The following SIM1 variants were observed in gnomAD, a reference collection of about 807,000 sequenced individuals.
SIM1 encodes the protein SIM bHLH transcription factor 1, also known as single-minded homolog 1.
In SIM1, 18 loss-of-function variants were observed where a neutral mutation model predicts 78.2. That is an observed-to-expected ratio of 0.23 (90% confidence interval 0.16 to 0.34). SIM1 has a LOEUF of 0.34. Ranked by LOEUF, SIM1 falls within the 10% of genes least tolerant of loss-of-function variation. The probability of loss-of-function intolerance (pLI) is 1.00; values close to 1 mark genes in which losing one functional copy is unlikely to be tolerated. For synonymous variants in SIM1, 417 were observed against 385.2 expected, an observed-to-expected ratio of 1.08 and a Z score of -0.97; for missense variants, 939 against 975.1, an observed-to-expected ratio of 0.96 and a Z score of 0.49.
intron 9 of SIM1, among the ~76,000 whole-genome samples, chr6:100,424,067 C>T: frequency 7.9e-6 from 1 of 126,528 alleles, no homozygotes; most frequent in East Asian, 2.8e-4. Flanking sequence ...CCCCACCCCC[C>T]TCCCACCCCC....
Position 100,385,309 on chromosome 6 carries a change from A to G in SIM1, c.*5052T>C, listed in dbSNP as rs1770492055. 2 of 152,222 alleles carry G rather than the reference A, an allele frequency of 1.3e-5. No individual in the cohort carries two copies. Among genetic ancestry groups the G allele is most frequent in the East Asian group, 1.9e-4 (1 of 5,192 alleles). 9.4% of individuals were successfully genotyped at this position (152,222 alleles called of 1,614,324 possible). ...ACAAATATAATCCTTTTTATAGCAC[A>G]TTAGTCAAAAAACAAATGTAAAATA... is the stretch of plus-strand genomic sequence containing the variant. On this transcript the variant is annotated 3_prime_UTR_variant, in exon 12 of 12. Coordinates refer to ENST00000369208, the MANE Select transcript of SIM1 (RefSeq NM_005068.3).
chr6:100,447,351 T>C lies in SIM1; in HGVS notation c.915A>G (p.Val305=), dbSNP rs530459295. ...YRFLAKHGGW[V]WVQSYATIVH... ...CGATGGTCGCGTAGCTCTGCACCCATACCCAGCCGCCGTGTTTCGCCAGGA... is the reference window on the plus strand; with the variant it reads ...CGATGGTCGCGTAGCTCTGCACCCACACCCAGCCGCCGTGTTTCGCCAGGA... The change falls in exon 9 of 12, where the codon GTA becomes GTG. Residue 305 remains valine (V), a synonymous_variant. Coordinates refer to ENST00000369208, the MANE Select transcript of SIM1 (RefSeq NM_005068.3). The C allele has an allele frequency of 6.2e-7, 1 of 1,614,208 alleles. No homozygotes were observed. Among genetic ancestry groups the C allele is most frequent in the East Asian group, 2.2e-5 (1 of 44,872 alleles).
intron 10 of SIM1, among the ~76,000 whole-genome samples, chr6:100,409,151 C>T (rs188804502): frequency 5.3e-5 from 8 of 151,872 alleles, no homozygotes; most frequent in African/African-American, 1.5e-4. Context: ...ATGTGCACAA[C>T]GTGCAGGTTA....
intron 10 of SIM1, chr6:100,395,949 T>C (rs1770755533): frequency 4.7e-6 from 1 of 213,226 alleles, no homozygotes; most frequent in Admixed American, 6.5e-5. Context: ...CACCTACACA[T>C]ATGGACTATC....
intron 10 of SIM1, among the ~76,000 whole-genome samples, chr6:100,408,839 T>C (rs1339123615): frequency 6.6e-6 from 1 of 152,124 alleles, no homozygotes; most frequent in Non-Finnish European, 1.5e-5. Flanking sequence ...TTTGGGTGTC[T>C]GTGTTCACCA....
At position 100,449,927 on chromosome 6, in the gene SIM1, ATAATAGTAG is replaced by A. The variant is rs1772466526; in HGVS notation, c.349-237_349-229del. On this transcript the variant is annotated intron_variant, in intron 4 of 11. Coordinates refer to ENST00000369208, the MANE Select transcript of SIM1 (RefSeq NM_005068.3). The stretch of plus-strand genomic sequence containing the variant: ...AATAGCAGTAATAATGATGATAATA[ATAATAGTAG>A]TAATAGTAGTAGTAGCAACAGCAGC... Among the ~76,000 whole-genome samples, 5 of 152,298 alleles carry A rather than the reference ATAATAGTAG, an allele frequency of 3.3e-5. No homozygotes were observed. In the East Asian group the frequency reaches 7.7e-4, roughly 24 times the overall value.
intron 9 of SIM1, among the ~76,000 whole-genome samples, chr6:100,434,159 C>T (rs1562249089): frequency 1.3e-5 from 2 of 152,176 alleles, no homozygotes; most frequent in Non-Finnish European, 2.9e-5. Flanking sequence ...CTATCCTGCA[C>T]GTTGCTATTT....
At chr6:100,441,807 C>A (rs1016006254) in intron 9 of SIM1, among the ~76,000 whole-genome samples, 1 of 152,164 alleles carries the variant, frequency 6.6e-6, no homozygotes, top group African/African-American at 2.4e-5. Flanking sequence ...TGTGAAGCAA[C>A]CACAAAGAGG....
chr6:100,444,710 A>G (rs1772311191), intron 9 of SIM1, among the ~76,000 whole-genome samples: 2 of 152,296 alleles, frequency 1.3e-5, no homozygotes, highest in African/African-American at 4.8e-5. Context: ...AGGTTGCTAA[A>G]TAATTCATTG....
intron 10 of SIM1, among the ~76,000 whole-genome samples, chr6:100,404,702 G>A (rs1342779921): frequency 6.6e-6 from 1 of 152,086 alleles, no homozygotes; most frequent in African/African-American, 2.4e-5. Context: ...TCAAACAGGA[G>A]TACTGTTTAC....
chr6:100,456,679 C>T lies in SIM1; in HGVS notation c.176-2835G>A, dbSNP rs571935870. Among the ~76,000 whole-genome samples, 319 of 152,126 alleles carry T rather than the reference C, an allele frequency of 2.1e-3. 1 individual carries two copies. Among genetic ancestry groups the T allele is most frequent in the South Asian group, 0.011 (53 of 4,796 alleles). On this transcript the variant is annotated intron_variant, in intron 2 of 11. Coordinates refer to ENST00000369208, the MANE Select transcript of SIM1 (RefSeq NM_005068.3). ...CTGATAAATTTTGCTTCTCCCAGGC[C>T]CCCCTCTTCCCTTAAAGTCTGCTTT... is the stretch of plus-strand genomic sequence containing the variant.
chr6:100,414,921 A>C (rs960074092), intron 10 of SIM1, among the ~76,000 whole-genome samples: 1 of 152,224 alleles, frequency 6.6e-6, no homozygotes, highest in Non-Finnish European at 1.5e-5. Context: ...GTTCTGTGGG[A>C]TTATTTAAGG....
In SIM1 at chr6:100,451,225, C is replaced by T. The variant is rs116590917; in HGVS notation, c.259-869G>A. Among the ~76,000 whole-genome samples the T allele has an allele frequency of 2.9e-3, 447 of 152,254 alleles. 1 individual carries two copies. Among genetic ancestry groups the T allele is most frequent in the African/African-American group, 1.0e-2 (415 of 41,548 alleles). On this transcript the variant is annotated intron_variant, in intron 3 of 11. Transcript: ENST00000369208. ...CCTGAGTGACCGGAGGCCTGGGGGA[C>T]AATCAGGCCTTAGGGGAGCTGATGT...
At chr6:100,464,065 T>C (rs1772926294) in intron 1 of SIM1, 130 bp from the exon 2 acceptor site, 1 of 152,202 alleles carries the variant, frequency 6.6e-6, no homozygotes, top group African/African-American at 2.4e-5. Flanking sequence ...GGTTTGTTTT[T>C]AAAGAAACGG....
intron 9 of SIM1, 39 bp from the exon 10 acceptor site, chr6:100,420,997 T>G (rs977216219): frequency 6.3e-7 from 1 of 1,593,220 alleles, no homozygotes; most frequent in East Asian, 2.2e-5. Flanking sequence ...TCAGCCACCA[T>G]AGGAAATGGA....
At chr6:100,413,637 T>C (rs1771320272) in intron 10 of SIM1, among the ~76,000 whole-genome samples, 1 of 152,228 alleles carries the variant, frequency 6.6e-6, no homozygotes, top group South Asian at 2.1e-4. Context: ...TATCAGTGTG[T>C]ATTATGATGT....
intron 9 of SIM1, among the ~76,000 whole-genome samples, chr6:100,445,200 C>A (rs1274308625): frequency 6.6e-6 from 1 of 152,170 alleles, no homozygotes; most frequent in Non-Finnish European, 1.5e-5. Flanking sequence ...CCTGTCAACA[C>A]ACACTGAGCC....
At position 100,390,274 on chromosome 6, in the gene SIM1, C is replaced by A. The variant is rs141375800; in HGVS notation, c.*87G>T. 781 of 1,412,150 alleles carry A rather than the reference C, an allele frequency of 5.5e-4. 4 individuals carry two copies. In the African/African-American group the frequency reaches 7.9e-3, roughly 14 times the overall value. The allele number at this position is 1,412,150 out of a possible 1,614,324, so 87.5% of individuals were successfully genotyped here. A position where few individuals can be genotyped will look rare whatever the true frequency, so the allele number is the denominator to read the frequency against. On this transcript the variant is annotated 3_prime_UTR_variant, in exon 12 of 12. Coordinates refer to ENST00000369208, the MANE Select transcript of SIM1 (RefSeq NM_005068.3). ...AACTTAAGTTATACTCTCTAACAATCTGTGGCATAGTAAATGCTGGTAATG... is the reference window on the plus strand; with the variant it reads ...AACTTAAGTTATACTCTCTAACAATATGTGGCATAGTAAATGCTGGTAATG...
In SIM1 at chr6:100,420,660, T is replaced by G. The variant is rs995647247; in HGVS notation, c.1167+130A>C. On this transcript the variant is annotated intron_variant, in intron 10 of 11. Transcript: ENST00000369208. ...AAGGAGGCAGATAGTTTAGAGAACCTTCCAGATTTATAGAAGTTTTAGTTA... is the reference window on the plus strand; with the variant it reads ...AAGGAGGCAGATAGTTTAGAGAACCGTCCAGATTTATAGAAGTTTTAGTTA... The G allele has an allele frequency of 3.8e-5, 33 of 870,362 alleles. No individual in the cohort carries two copies. The African/African-American group carries it at 5.1e-4, about 13-fold the overall frequency. 53.9% of individuals were successfully genotyped at this position (870,362 alleles called of 1,614,324 possible). A position where few individuals can be genotyped will look rare whatever the true frequency, so the allele number is the denominator to read the frequency against.
Sources: allele counts gnomAD v4.1 joint callset (sites outside exome capture counted in the v4.1 genomes callset), GRCh38; gene constraint gnomAD v4.1.1; transcripts MANE v1.5; gene names NCBI Gene and HGNC (gene_info 2026-07-23, HGNC 2026-07-21).